Variants in GRM7 observed in about 807,000 individuals in gnomAD.
The protein encoded by GRM7 is glutamate metabotropic receptor 7, also known as metabotropic glutamate receptor 7.
Under a neutral mutation model 84.5 loss-of-function variants are expected in GRM7, and 35 were observed. The observed-to-expected ratio is 0.41, with a 90% CI of 0.32 to 0.55. The LOEUF (loss-of-function observed/expected upper bound fraction) is 0.55. Among genes scored for constraint, GRM7 ranks in the 20% least tolerant of loss-of-function variants. GRM7 has a pLI of 0.19. For synonymous variants in GRM7, 487 were observed against 455.1 expected, an observed-to-expected ratio of 1.07 and a Z score of -0.89; for missense variants, 1,003 against 1,194.6, an observed-to-expected ratio of 0.84 and a Z score of 2.36.
chr3:7,616,475 C>T (rs763942306), intron 8 of GRM7, among the ~76,000 whole-genome samples: 3 of 152,122 alleles, frequency 2.0e-5, no homozygotes, highest in African/African-American at 2.4e-5. Context: ...TCAAAACTTT[C>T]CCTAGGTCCA....
chr3:7,300,770 C>T (rs1699971172), intron 3 of GRM7, among the ~76,000 whole-genome samples: 1 of 150,640 alleles, frequency 6.6e-6, no homozygotes, highest in East Asian at 1.9e-4. Flanking sequence ...ATTCTTCATA[C>T]TCACTCAGTT....
chr3:7,391,842 T>A (rs564405910), intron 4 of GRM7, among the ~76,000 whole-genome samples: 1 of 151,484 alleles, frequency 6.6e-6, no homozygotes, highest in Non-Finnish European at 1.5e-5. Flanking sequence ...CCCCAGAGCA[T>A]GTTTGCCTTC....
At position 7,579,102 on chromosome 3, in the gene GRM7, T is replaced by C. The variant is rs1485175; in HGVS notation, c.2196T>C (p.Tyr732=). 0.56 allele frequency: 900,801 copies of C among 1,613,114 alleles called. 253,175 individuals are homozygous for C. Among genetic ancestry groups the C allele is most frequent in the African/African-American group, 0.57 (42,709 of 74,908 alleles). The change falls in exon 8 of 10, where the codon TAT becomes TAC. Residue 732 remains tyrosine, a synonymous_variant. Transcript: ENST00000357716. Reference sequence around the variant, plus strand: ...ATCCACCCAACATCATCATAGACTATGATGAACACAAGACAATGAACCCTG... The same window carrying C: ...ATCCACCCAACATCATCATAGACTACGATGAACACAAGACAATGAACCCTG... ...GVDPPNIIID[Y]DEHKTMNPEQ...
At chr3:6,897,223 T>C (rs1187963866) in intron 1 of GRM7, among the ~76,000 whole-genome samples, 3 of 152,332 alleles carry the variant, frequency 2.0e-5, no homozygotes, top group Middle Eastern at 3.4e-3. Context: ...TTATTGTGTA[T>C]GGGAAGCAGT....
Position 7,589,050 on chromosome 3 carries a change from A to G in GRM7, c.2451+9693A>G, listed in dbSNP as rs114018245. Among the ~76,000 whole-genome samples the G allele has an allele frequency of 1.5e-3, 224 of 152,304 alleles. 1 individual carries two copies. The highest frequency in any genetic ancestry group is 4.8e-3 in the African/African-American group (200 of 41,560). Reference sequence around the variant, plus strand: ...CGAAATCTGCCTTCCAATTCTATCAATTCCATTGTGTTTCTCTGGTAACCT... The same window carrying G: ...CGAAATCTGCCTTCCAATTCTATCAGTTCCATTGTGTTTCTCTGGTAACCT... On this transcript the variant is annotated intron_variant, in intron 8 of 9. Coordinates refer to ENST00000357716, the MANE Select transcript of GRM7 (RefSeq NM_000844.4).
chr3:7,432,802 T>C, intron 5 of GRM7, among the ~76,000 whole-genome samples: 1 of 152,084 alleles, frequency 6.6e-6, no homozygotes, highest in East Asian at 1.9e-4. Context: ...GAGAGAATGC[T>C]TGAACTGGAA....
At chr3:6,896,748 T>A (rs1696196913) in intron 1 of GRM7, among the ~76,000 whole-genome samples, 1 of 152,172 alleles carries the variant, frequency 6.6e-6, no homozygotes, top group African/African-American at 2.4e-5. Flanking sequence ...GAAGATTTTT[T>A]TTTCCTTCTT....
At chr3:7,515,211 C>CA (rs35576148) in intron 7 of GRM7, among the ~76,000 whole-genome samples, 33,479 of 128,528 alleles carry the variant, frequency 0.26, 4,594 homozygotes, top group Middle Eastern at 0.35. Context: ...TGTAGAAGGA[C>CA]AAAAAAAAAA....
chr3:7,173,608 A>G (rs1044483638), intron 2 of GRM7, among the ~76,000 whole-genome samples: 3 of 152,158 alleles, frequency 2.0e-5, no homozygotes, highest in Admixed American at 2.0e-4. Context: ...GGTACCACAC[A>G]TACTGTTCTT....
At chr3:7,514,870 T>G (rs1443798273) in intron 7 of GRM7, among the ~76,000 whole-genome samples, 4 of 152,118 alleles carry the variant, frequency 2.6e-5, no homozygotes, top group African/African-American at 9.7e-5. Context: ...TCGATGAAAC[T>G]TTGCTCAGAT....
chr3:7,362,740 C>T (rs780520397), intron 4 of GRM7, among the ~76,000 whole-genome samples: 7 of 151,998 alleles, frequency 4.6e-5, no homozygotes, highest in African/African-American at 7.3e-5. Flanking sequence ...TGTGGTGTAG[C>T]GTGAAGAGGT....
At chr3:7,359,209 G>GGTGTTT (rs1000629714) in intron 4 of GRM7, among the ~76,000 whole-genome samples, 1 of 109,262 alleles carries the variant, frequency 9.2e-6, no homozygotes, top group South Asian at 2.9e-4. Context: ...CATTTGGTAG[G>GGTGTTT]GTGTTTGTGT....
At chr3:7,400,518 T>C (rs563073044) in intron 4 of GRM7, among the ~76,000 whole-genome samples, 108 of 152,214 alleles carry the variant, frequency 7.1e-4, no homozygotes, top group Non-Finnish European at 1.3e-3. Context: ...GTCAAATCAG[T>C]CTATTCATCA....
intron 7 of GRM7, among the ~76,000 whole-genome samples, chr3:7,468,157 C>A (rs1421867155): frequency 6.6e-6 from 1 of 152,150 alleles, no homozygotes; most frequent in Non-Finnish European, 1.5e-5. Context: ...TCTTATTATA[C>A]TCATAATTTA....
At chr3:7,245,832 A>T (rs1021075085) in intron 2 of GRM7, among the ~76,000 whole-genome samples, 1 of 152,132 alleles carries the variant, frequency 6.6e-6, no homozygotes, top group African/African-American at 2.4e-5. Flanking sequence ...CTGCATAAAT[A>T]ATAGTGATGC....
chr3:7,314,597 G>C (rs923759566), intron 4 of GRM7, among the ~76,000 whole-genome samples: 1 of 152,000 alleles, frequency 6.6e-6, no homozygotes, highest in African/African-American at 2.4e-5. Flanking sequence ...CAATAATAGG[G>C]GTGGTAAAAG....
chr3:7,645,293 A>G (rs950397774), intron 8 of GRM7, among the ~76,000 whole-genome samples: 4 of 152,118 alleles, frequency 2.6e-5, no homozygotes, highest in South Asian at 2.1e-4. Context: ...TCACGCCTGT[A>G]ATCCCAGCAC....
intron 7 of GRM7, among the ~76,000 whole-genome samples, chr3:7,468,249 G>T (rs1346030395): frequency 6.6e-6 from 1 of 152,174 alleles, no homozygotes; most frequent in African/African-American, 2.4e-5. Context: ...TCAAAATCTA[G>T]TACTTCTTCA....
chr3:7,189,716 A>G (rs1456504038), intron 2 of GRM7, among the ~76,000 whole-genome samples: 1 of 152,282 alleles, frequency 6.6e-6, no homozygotes, highest in Admixed American at 6.5e-5. Context: ...ATATGTACCT[A>G]TAAGCAAGGA....
Sources: allele counts gnomAD v4.1 joint callset (sites outside exome capture counted in the v4.1 genomes callset), GRCh38; gene constraint gnomAD v4.1.1; transcripts MANE v1.5; gene names NCBI Gene and HGNC (gene_info 2026-07-23, HGNC 2026-07-21).